Variants in DRC11 observed in about 807,000 individuals in gnomAD.
The protein encoded by DRC11 is IQ and AAA domain-containing protein 1.
the DRC11 span, among the ~76,000 whole-genome samples, chr2:236,371,695 G>A: frequency 6.6e-6 from 1 of 152,158 alleles, no homozygotes; most frequent in Non-Finnish European, 1.5e-5. The surrounding 1 kb of genome is among the most constrained non-coding windows in gnomAD (Gnocchi z 5.1). Flanking sequence ...ATTGTCAGTA[G>A]GTCATTCTTA....
the DRC11 span, among the ~76,000 whole-genome samples, chr2:236,359,229 T>C: frequency 0.18 from 26,771 of 151,902 alleles, 2,643 homozygotes; most frequent in Non-Finnish European, 0.23. The surrounding 1 kb of genome is among the most constrained non-coding windows in gnomAD (Gnocchi z 4.3). Context: ...ATACTATATA[T>C]ATATAGTCTA....
the DRC11 span, among the ~76,000 whole-genome samples, chr2:236,404,192 G>GA: frequency 6.8e-6 from 1 of 147,052 alleles, no homozygotes; most frequent in African/African-American, 2.5e-5. Flanking sequence ...AAAAGAAAAA[G>GA]AAAAGAAAAG....
the DRC11 span, chr2:236,392,171 G>A: frequency 2.0e-6 from 3 of 1,478,622 alleles, no homozygotes; most frequent in Admixed American, 5.1e-5. This position sits in a 1 kb window ranked among gnomAD's most constrained non-coding sequence, Gnocchi z 5.1. Context: ...TAGGTCATTA[G>A]TAGGAAATTG....
At chr2:236,449,651 G>T in the DRC11 span, among the ~76,000 whole-genome samples, 5 of 152,202 alleles carry the variant, frequency 3.3e-5, no homozygotes, top group African/African-American at 9.7e-5. This position sits in a 1 kb window ranked among gnomAD's most constrained non-coding sequence, Gnocchi z 5.1. Flanking sequence ...TTTAGTTTAT[G>T]GCTTTACAGG....
At chr2:236,374,558 T>C in the DRC11 span, among the ~76,000 whole-genome samples, 1 of 152,170 alleles carries the variant, frequency 6.6e-6, no homozygotes, top group African/African-American at 2.4e-5. Context: ...GCTCAGCTTC[T>C]GGGGAGGCCT....
chr2:236,337,116 G>A, the DRC11 span, among the ~76,000 whole-genome samples: 8 of 152,112 alleles, frequency 5.3e-5, no homozygotes, highest in Non-Finnish European at 1.0e-4. This position sits in a 1 kb window ranked among gnomAD's most constrained non-coding sequence, Gnocchi z 4.9. Flanking sequence ...ATGCGCGAGC[G>A]ATCCTGGGTA....
At chr2:236,347,854 G>T in the DRC11 span, among the ~76,000 whole-genome samples, 4 of 131,336 alleles carry the variant, frequency 3.0e-5, no homozygotes, top group Admixed American at 1.4e-4. Flanking sequence ...ATAACTTACG[G>T]CAAAAAAAAA....
chr2:236,320,349 C>T, the DRC11 span, among the ~76,000 whole-genome samples: 1,059 of 152,278 alleles, frequency 7.0e-3, 15 homozygotes, highest in African/African-American at 0.025. Flanking sequence ...CCACTTATGC[C>T]GGTGGCTTGG....
the DRC11 span, among the ~76,000 whole-genome samples, chr2:236,491,188 G>GTATATATATATA: frequency 8.1e-5 from 2 of 24,774 alleles, no homozygotes; most frequent in Non-Finnish European, 1.5e-4. Flanking sequence ...TATACACACA[G>GTATATATATATA]TATATATATA....
the DRC11 span, among the ~76,000 whole-genome samples, chr2:236,378,992 A>G: frequency 2.6e-5 from 4 of 152,110 alleles, no homozygotes; most frequent in Non-Finnish European, 5.9e-5. Flanking sequence ...ATTTCTCTAG[A>G]GAGCAGAAAC....
chr2:236,399,190 A>G, the DRC11 span, among the ~76,000 whole-genome samples: 1 of 152,040 alleles, frequency 6.6e-6, no homozygotes, highest in Admixed American at 6.5e-5. The surrounding 1 kb of genome is among the most constrained non-coding windows in gnomAD (Gnocchi z 7.0). Flanking sequence ...GGGTTTCACC[A>G]TGTTGGCCAG....
At chr2:236,313,482 G>A in the DRC11 span, among the ~76,000 whole-genome samples, 2 of 152,256 alleles carry the variant, frequency 1.3e-5, no homozygotes, top group Non-Finnish European at 1.5e-5. The surrounding 1 kb of genome is among the most constrained non-coding windows in gnomAD (Gnocchi z 4.5). Context: ...CTACCATTAC[G>A]GAAGATGGTT....
chr2:236,317,996 G>A, the DRC11 span, among the ~76,000 whole-genome samples: 8 of 152,208 alleles, frequency 5.3e-5, no homozygotes, highest in Non-Finnish European at 1.2e-4. This position sits in a 1 kb window ranked among gnomAD's most constrained non-coding sequence, Gnocchi z 5.4. Flanking sequence ...GGCAGACACC[G>A]GTCTCACGGT....
chr2:236,378,693 G>C, the DRC11 span, among the ~76,000 whole-genome samples: 1 of 148,102 alleles, frequency 6.8e-6, no homozygotes, highest in Non-Finnish European at 1.5e-5. Context: ...AAAAAAAAAA[G>C]CTAGAAGACA....
chr2:236,371,435 AGCAGT>A, the DRC11 span, among the ~76,000 whole-genome samples: 4 of 152,136 alleles, frequency 2.6e-5, no homozygotes, highest in Admixed American at 6.5e-5. This position sits in a 1 kb window ranked among gnomAD's most constrained non-coding sequence, Gnocchi z 5.1. Flanking sequence ...GGGTGCTGAG[AGCAGT>A]GTGCTTTCCA....
At chr2:236,424,961 G>T in the DRC11 span, among the ~76,000 whole-genome samples, 1 of 151,900 alleles carries the variant, frequency 6.6e-6, no homozygotes, top group Non-Finnish European at 1.5e-5. Context: ...CGTCCTCTGG[G>T]TTCATGCATG....
At chr2:236,395,346 C>A in the DRC11 span, among the ~76,000 whole-genome samples, 43 of 152,336 alleles carry the variant, frequency 2.8e-4, no homozygotes, top group Admixed American at 4.6e-4. Flanking sequence ...ACACATAATC[C>A]TTTCCAGTGA....
At chr2:236,367,863 G>C in the DRC11 span, 1 of 331,984 alleles carries the variant, frequency 3.0e-6, no homozygotes, top group Non-Finnish European at 5.8e-6. The surrounding 1 kb of genome is among the most constrained non-coding windows in gnomAD (Gnocchi z 4.8). Context: ...TGGGTAAAAG[G>C]CAAGTGGTAG....
At chr2:236,408,369 T>C in the DRC11 span, 3 of 756,668 alleles carry the variant, frequency 4.0e-6, no homozygotes, top group African/African-American at 5.1e-5. The surrounding 1 kb of genome is among the most constrained non-coding windows in gnomAD (Gnocchi z 5.5). Context: ...TCTTGGTGTG[T>C]CAATGACTTG....
Sources: gnomAD v4.1 joint callset for allele counts (sites outside exome capture counted in the v4.1 genomes callset) on GRCh38, gnomAD v4.1.1 for gene constraint, Gnocchi (gnomAD v3.1) non-coding constraint, MANE v1.5 for transcripts, NCBI Gene and HGNC (gene_info 2026-07-23, HGNC 2026-07-21) for gene names.